The following CHST15 variants were observed in gnomAD, a reference collection of about 807,000 sequenced individuals.
The protein encoded by CHST15 is carbohydrate sulfotransferase 15, also known as B cell RAG associated protein (GALNAC4S-6ST).
Under a neutral mutation model 53.6 loss-of-function variants are expected in CHST15, and 30 were observed. That is an observed-to-expected ratio of 0.56 (90% confidence interval 0.42 to 0.76). CHST15 has a LOEUF of 0.76. Ranked by LOEUF, CHST15 falls within the 30% of genes least tolerant of loss-of-function variation. The probability of loss-of-function intolerance (pLI) is 0.00; values close to 1 mark genes in which losing one functional copy is unlikely to be tolerated. For missense variants in CHST15, 627 were observed against 740.5 expected, an observed-to-expected ratio of 0.85 and a Z score of 1.78; for synonymous variants, 296 against 289.8, an observed-to-expected ratio of 1.02 and a Z score of -0.22.
chr10:124,088,790 A>T (rs962458770), intron 1 of CHST15, among the ~76,000 whole-genome samples: 1 of 152,170 alleles, frequency 6.6e-6, no homozygotes, highest in Non-Finnish European at 1.5e-5. Context: ...CAACTCCCAT[A>T]GTTACAATTT....
rs1016797572 is a variant in CHST15 at position 124,036,414 on chromosome 10, G to A, written c.1190+2101C>T. Reference sequence around the variant, plus strand: ...AGAGCAGGGAGCGAAACCACACCTGGCACCTGCTAGAAGGCATGGCACCGG... The same window carrying A: ...AGAGCAGGGAGCGAAACCACACCTGACACCTGCTAGAAGGCATGGCACCGG... On this transcript the variant is annotated intron_variant, in intron 5 of 7. Coordinates refer to ENST00000435907, the MANE Select transcript of CHST15 (RefSeq NM_001270764.2). This position sits in a 1 kb window ranked among gnomAD's most constrained non-coding sequence, Gnocchi z 5.1. Among the ~76,000 whole-genome samples the A allele has an allele frequency of 6.6e-6, 1 of 152,188 alleles. No individual in the cohort carries two copies. Among genetic ancestry groups the A allele is most frequent in the African/African-American group, 2.4e-5 (1 of 41,444 alleles).
chr10:124,051,390 C>T (rs898374173), intron 1 of CHST15, among the ~76,000 whole-genome samples: 7 of 152,174 alleles, frequency 4.6e-5, no homozygotes, highest in African/African-American at 1.2e-4. Context: ...ATTGCTGTTA[C>T]GTTCTGTATC....
intron 1 of CHST15, among the ~76,000 whole-genome samples, chr10:124,064,971 G>A (rs1331577439): frequency 6.6e-6 from 1 of 152,074 alleles, no homozygotes; most frequent in Non-Finnish European, 1.5e-5. Flanking sequence ...CTCTTCTTTT[G>A]TTCGCTTTTA....
intron 5 of CHST15, among the ~76,000 whole-genome samples, chr10:124,035,126 A>ACCCCGGCTCCGCCCCCTAACG (rs1162888831): frequency 7.9e-5 from 8 of 100,706 alleles, no homozygotes; most frequent in African/African-American, 2.4e-4. Flanking sequence ...GCCCCCTAAC[A>ACCCCGGCTCCGCCCCCTAACG]GGGACCCCGG....
At chr10:124,082,914 T>A (rs1949295789) in intron 1 of CHST15, among the ~76,000 whole-genome samples, 1 of 152,190 alleles carries the variant, frequency 6.6e-6, no homozygotes, top group African/African-American at 2.4e-5. Flanking sequence ...TGCTCAAGGC[T>A]GAAGGGTACA....
At chr10:124,029,920 C>G (rs575895575) in intron 5 of CHST15, among the ~76,000 whole-genome samples, 32 of 152,232 alleles carry the variant, frequency 2.1e-4, no homozygotes, top group Non-Finnish European at 4.3e-4. Flanking sequence ...CCAGCGGGCA[C>G]ACATCTCACC....
chr10:124,041,592 A>T (rs1281673437), intron 4 of CHST15, among the ~76,000 whole-genome samples: 1 of 152,224 alleles, frequency 6.6e-6, no homozygotes, highest in East Asian at 1.9e-4. Flanking sequence ...TGGCTATGTT[A>T]ATTTGCTTTA....
Position 124,046,038 on chromosome 10 carries a change from C to T in CHST15, c.175G>A (p.Glu59Lys), listed in dbSNP as rs140903668. 3.1e-5 allele frequency: 50 copies of T among 1,614,190 alleles called. No homozygotes were observed. In the African/African-American group the frequency reaches 6.0e-4, roughly 19 times the overall value. The stretch of plus-strand genomic sequence containing the variant: ...TTTTCGTTCCCTTCAGTCCTCACTT[C>T]GAGAACAGCAAGCAAGTTCATCTGC... Reference protein sequence around the residue: ...SKQMNLLAVLEVRTEGNENWG... With the variant: ...SKQMNLLAVLKVRTEGNENWG... The change falls in exon 2 of 8, where the codon GAA becomes AAA. Residue 59 changes from glutamate to lysine, a missense_variant. Physicochemically the swap from Glu to Lys is moderately conservative, Grantham distance 56. This residue lies in a region of CHST15 where 187 missense variants were observed against 251.8 expected (regional missense o/e 0.74). Transcript: ENST00000435907.
intron 1 of CHST15, among the ~76,000 whole-genome samples, chr10:124,085,787 G>A (rs1286145311): frequency 6.6e-6 from 1 of 152,172 alleles, no homozygotes; most frequent in African/African-American, 2.4e-5. Context: ...ACACCTGGCT[G>A]GGGAAGGGAG....
intron 1 of CHST15, among the ~76,000 whole-genome samples, chr10:124,063,071 C>A (rs953461724): frequency 7.2e-5 from 11 of 151,982 alleles, no homozygotes; most frequent in African/African-American, 2.2e-4. Flanking sequence ...GAGATCCAGA[C>A]AAGAAACTAA....
At chr10:124,013,840 T>C in intron 6 of CHST15, among the ~76,000 whole-genome samples, 1 of 152,202 alleles carries the variant, frequency 6.6e-6, no homozygotes, top group Admixed American at 6.5e-5. Context: ...TGCCCAGAAC[T>C]TCTCATCTCC....
Position 124,009,046 on chromosome 10 carries a change from G to T in CHST15, c.*1103C>A, listed in dbSNP as rs1265511668. 1 of 1,288,310 alleles carries T rather than the reference G, an allele frequency of 7.8e-7. No individual in the cohort carries two copies. Among genetic ancestry groups the T allele is most frequent in the Admixed American group, 2.3e-5 (1 of 43,554 alleles). The allele number at this position is 1,288,310 out of a possible 1,614,324, so 79.8% of individuals were successfully genotyped here. The stretch of plus-strand genomic sequence containing the variant: ...TGGAATTGGGACACGAGTATCTATA[G>T]TCCCTTGCTGGGTGAGGAACTTTGA... On this transcript the variant is annotated 3_prime_UTR_variant, in exon 8 of 8. Transcript: ENST00000435907.
intron 1 of CHST15, among the ~76,000 whole-genome samples, chr10:124,078,629 A>G (rs1018548910): frequency 1.3e-5 from 2 of 152,214 alleles, no homozygotes; most frequent in African/African-American, 2.4e-5. Context: ...TGTGAAATTC[A>G]TCCTCCAGTA....
At position 124,044,821 on chromosome 10, in the gene CHST15, G is replaced by A; in HGVS notation, c.645C>T (p.Thr215=). The change falls in exon 3 of 8, where the codon ACC becomes ACT. Residue 215 remains threonine (T), a synonymous_variant. Coordinates refer to ENST00000435907, the MANE Select transcript of CHST15 (RefSeq NM_001270764.2). ...SGQNTTDPYL[T]NSYVLYSKRF... The stretch of plus-strand genomic sequence containing the variant: ...GCTTGGAGTAGAGCACGTAGGAGTT[G>A]GTGAGGTAGGGGTCGGTGGTGTTCT... 6.3e-7 allele frequency: 1 copy of A among 1,583,164 alleles called. No individual in the cohort carries two copies. The highest frequency in any genetic ancestry group is 8.6e-7 in the Non-Finnish European group (1 of 1,162,052).
intron 1 of CHST15, among the ~76,000 whole-genome samples, chr10:124,081,950 T>G (rs1473043163): frequency 6.6e-6 from 1 of 152,182 alleles, no homozygotes; most frequent in Non-Finnish European, 1.5e-5. Flanking sequence ...GGTTCCTAAT[T>G]TAATTATTCC....
chr10:124,030,439 A>G (rs1947183868), intron 5 of CHST15, among the ~76,000 whole-genome samples: 1 of 152,234 alleles, frequency 6.6e-6, no homozygotes, highest in Admixed American at 6.5e-5. Context: ...GACCCTTGTA[A>G]TTCTTAATCT....
chr10:124,027,198 G>A (rs763373553), intron 5 of CHST15, among the ~76,000 whole-genome samples: 23 of 152,164 alleles, frequency 1.5e-4, no homozygotes, highest in Non-Finnish European at 2.8e-4. Context: ...CACTGGGCCC[G>A]TGCTCATGGG....
At chr10:124,073,312 A>G (rs1183202415) in intron 1 of CHST15, among the ~76,000 whole-genome samples, 1 of 152,242 alleles carries the variant, frequency 6.6e-6, no homozygotes, top group Non-Finnish European at 1.5e-5. Flanking sequence ...GAACCCAGAT[A>G]TAAAGGAGAA....
chr10:124,050,261 G>A (rs1948145555), intron 1 of CHST15, among the ~76,000 whole-genome samples: 1 of 152,180 alleles, frequency 6.6e-6, no homozygotes, highest in Non-Finnish European at 1.5e-5. Flanking sequence ...ACCCAGAGAG[G>A]AGGCCTGTTC....
Sources: allele counts gnomAD v4.1 joint callset (sites outside exome capture counted in the v4.1 genomes callset), GRCh38; gene constraint gnomAD v4.1.1; regional missense constraint gnomAD v4.1.1; non-coding constraint Gnocchi (gnomAD v3.1); transcripts MANE v1.5; gene names NCBI Gene and HGNC (gene_info 2026-07-23, HGNC 2026-07-21).